The following SETBP1 variants were observed in gnomAD, a reference collection of about 807,000 sequenced individuals.
The protein encoded by SETBP1 is SET binding protein 1, also known as SET-binding protein.
A neutral mutation model predicts 101.0 loss-of-function variants in SETBP1; 9 were observed. That is an observed-to-expected ratio of 0.09 (90% confidence interval 0.05 to 0.16). The LOEUF (loss-of-function observed/expected upper bound fraction) is 0.16. Among genes scored for constraint, SETBP1 ranks in the 10% least tolerant of loss-of-function variants. SETBP1 has a pLI of 1.00. For synonymous variants in SETBP1, 818 were observed against 788.5 expected (o/e 1.04, Z -0.63); for missense variants, 1,858 against 2,033.8 (o/e 0.91, Z 1.66).
chr18:45,004,344 C>T (rs932050834), intron 4 of SETBP1, among the ~76,000 whole-genome samples: 6 of 152,270 alleles, frequency 3.9e-5, no homozygotes, highest in Non-Finnish European at 8.8e-5. Flanking sequence ...CGATGGTTGG[C>T]GTGATGATTG....
intron 3 of SETBP1, among the ~76,000 whole-genome samples, chr18:44,925,933 T>C (rs1319912499): frequency 1.3e-5 from 2 of 152,038 alleles, no homozygotes; most frequent in African/African-American, 2.4e-5. Flanking sequence ...GAGTGAAAAG[T>C]AAAAAGCAGA....
chr18:44,703,577 C>T (rs1339897571), intron 2 of SETBP1, among the ~76,000 whole-genome samples: 1 of 151,824 alleles, frequency 6.6e-6, no homozygotes, highest in Admixed American at 6.6e-5. Flanking sequence ...AAAAATCTGT[C>T]CTGGTTTCAA....
chr18:44,784,236 T>C (rs945497216), intron 2 of SETBP1, among the ~76,000 whole-genome samples: 1 of 152,266 alleles, frequency 6.6e-6, no homozygotes, highest in Non-Finnish European at 1.5e-5. Flanking sequence ...TTTTACTTTG[T>C]GGACTGCTTT....
At position 45,056,439 on chromosome 18, in the gene SETBP1, C is replaced by T. The variant is rs558365782; in HGVS notation, c.4172-6640C>T. On this transcript the variant is annotated intron_variant, in intron 5 of 5. Coordinates refer to ENST00000649279, the MANE Select transcript of SETBP1 (RefSeq NM_015559.3). ...AGGTGACCTGTCATCTGATGGGCAG[C>T]GCAAGTAAGGGCATGGCTGGAGTTC... is the stretch of plus-strand genomic sequence containing the variant. Among the ~76,000 whole-genome samples the T allele has an allele frequency of 2.0e-5, 3 of 152,200 alleles. No individual in the cohort carries two copies. In the South Asian group the frequency reaches 6.2e-4, roughly 32 times the overall value.
At chr18:45,055,234 G>A (rs2073789065) in intron 5 of SETBP1, among the ~76,000 whole-genome samples, 1 of 152,058 alleles carries the variant, frequency 6.6e-6, no homozygotes, top group Non-Finnish European at 1.5e-5. Flanking sequence ...GGAGTTTTTT[G>A]AAAAAGAAAG....
At chr18:44,843,756 G>C (rs765827866) in intron 2 of SETBP1, among the ~76,000 whole-genome samples, 1 of 152,160 alleles carries the variant, frequency 6.6e-6, no homozygotes, top group African/African-American at 2.4e-5. Flanking sequence ...GTGATTCATG[G>C]TTTATCCATC....
chr18:44,774,568 A>G (rs1198621675), intron 2 of SETBP1, among the ~76,000 whole-genome samples: 1 of 152,128 alleles, frequency 6.6e-6, no homozygotes, highest in Non-Finnish European at 1.5e-5. Flanking sequence ...GGAGACTGGC[A>G]AGAGTTGTCA....
chr18:44,943,894 G>C (rs1445800333), intron 3 of SETBP1, among the ~76,000 whole-genome samples: 1 of 150,662 alleles, frequency 6.6e-6, no homozygotes, highest in Non-Finnish European at 1.5e-5. Flanking sequence ...CAGTACAGTG[G>C]TACGATCTCA....
chr18:44,878,536 A>G (rs2069461153), intron 3 of SETBP1, among the ~76,000 whole-genome samples: 1 of 152,118 alleles, frequency 6.6e-6, no homozygotes, highest in Admixed American at 6.6e-5. Context: ...ACTGTGCTTT[A>G]TATATTTTTA....
intron 2 of SETBP1, among the ~76,000 whole-genome samples, chr18:44,838,829 C>A (rs1406402013): frequency 1.4e-5 from 2 of 146,834 alleles, no homozygotes; most frequent in African/African-American, 5.0e-5. Context: ...GAATGACCCC[C>A]TCAGCCCCAC....
rs143062756 is a variant in SETBP1, at chr18:44,914,530, G to T, written c.541-35351G>T. ...GACTGGAAGTAAACGAATGGATTTG[G>T]CATTCTATTCACTTTTTGAGTGACT... On this transcript the variant is annotated intron_variant, in intron 3 of 5. Coordinates refer to ENST00000649279, the MANE Select transcript of SETBP1 (RefSeq NM_015559.3). 5.9e-3 allele frequency among the ~76,000 whole-genome samples: 905 copies of T among 152,264 alleles called. 20 individuals carry two copies. Among genetic ancestry groups the T allele is most frequent in the South Asian group, 0.026 (127 of 4,820 alleles).
At chr18:44,906,454 G>A (rs1401771279) in intron 3 of SETBP1, among the ~76,000 whole-genome samples, 1 of 152,154 alleles carries the variant, frequency 6.6e-6, no homozygotes, top group African/African-American at 2.4e-5. Context: ...TAAAATTTTA[G>A]ACAAACCATT....
intron 5 of SETBP1, among the ~76,000 whole-genome samples, chr18:45,060,029 TG>T (rs1400509493): frequency 3.3e-5 from 5 of 152,254 alleles, no homozygotes; most frequent in Admixed American, 6.5e-5. Context: ...TACTTAAACA[TG>T]TTTTTGTGAT....
At chr18:44,967,514 T>C (rs952084448) in intron 4 of SETBP1, among the ~76,000 whole-genome samples, 2 of 152,220 alleles carry the variant, frequency 1.3e-5, no homozygotes, top group Non-Finnish European at 2.9e-5. Flanking sequence ...CCACTTCTTA[T>C]GTCAGAAGTC....
At chr18:44,843,997 A>G (rs1398881318) in intron 2 of SETBP1, among the ~76,000 whole-genome samples, 1 of 152,120 alleles carries the variant, frequency 6.6e-6, no homozygotes, top group African/African-American at 2.4e-5. Context: ...TCTTTGATCC[A>G]GATTTTTATT....
At chr18:44,883,719 C>A (rs1219410706) in intron 3 of SETBP1, among the ~76,000 whole-genome samples, 1 of 152,118 alleles carries the variant, frequency 6.6e-6, no homozygotes, top group Non-Finnish European at 1.5e-5. Context: ...GTGAAATAGG[C>A]AAGGATAATT....
At chr18:45,028,471 A>G (rs1360768371) in intron 4 of SETBP1, among the ~76,000 whole-genome samples, 1 of 152,032 alleles carries the variant, frequency 6.6e-6, no homozygotes, top group East Asian at 1.9e-4. Flanking sequence ...CAATAAACAT[A>G]TGTGTGCATG....
intron 2 of SETBP1, among the ~76,000 whole-genome samples, chr18:44,762,337 A>T (rs2070670343): frequency 6.6e-6 from 1 of 152,160 alleles, no homozygotes; most frequent in Admixed American, 6.5e-5. Context: ...AGATATTGTT[A>T]TCTGGACTGT....
rs138495027 is a variant in SETBP1, at chr18:45,033,043, C to T, written c.4001-5442C>T. On this transcript the variant is annotated intron_variant, in intron 4 of 5. Transcript: ENST00000649279. ...AAAAAATATTATTTCCCAAAACCTA[C>T]GGGTATCTATTACTTGATTCACTTT... Among the ~76,000 whole-genome samples, 283 of 152,244 alleles carry T rather than the reference C, an allele frequency of 1.9e-3. 1 individual carries two copies. Among genetic ancestry groups the T allele is most frequent in the Middle Eastern group, 0.01 (3 of 294 alleles).
Sources: gnomAD v4.1 joint callset for allele counts (sites outside exome capture counted in the v4.1 genomes callset) on GRCh38, gnomAD v4.1.1 for gene constraint, MANE v1.5 for transcripts, NCBI Gene and HGNC (gene_info 2026-07-23, HGNC 2026-07-21) for gene names.